The following SLC6A19 variants were observed in gnomAD, a reference collection of about 807,000 sequenced individuals.
The protein encoded by SLC6A19 is solute carrier family 6 member 19.
In SLC6A19, 67 loss-of-function variants were observed where a neutral mutation model predicts 68.3. The observed-to-expected ratio is 0.98, with a 90% CI of 0.81 to 1.20. The LOEUF is 1.20. Among genes scored for constraint, SLC6A19 ranks in the 50% most tolerant of loss-of-function variants. SLC6A19 has a pLI of 0.00. For missense variants in SLC6A19, 813 were observed against 851.6 expected, an observed-to-expected ratio of 0.95 and a Z score of 0.56; for synonymous variants, 392 against 374.9, an observed-to-expected ratio of 1.05 and a Z score of -0.53.
At position 1,212,875 on chromosome 5, in the gene SLC6A19, G is replaced by A. The variant is rs908267321; in HGVS notation, c.663+391G>A. The stretch of plus-strand genomic sequence containing the variant: ...TCCCCTACATGGGAATCTTTGGTAC[G>A]AGGTCCAGAGCGGCCATCCCTTTCT... On this transcript the variant is annotated intron_variant, in intron 4 of 11. Transcript: ENST00000304460. The surrounding 1 kb of genome is among the most constrained non-coding windows in gnomAD (Gnocchi z 5.1). Among the ~76,000 whole-genome samples, 1 of 152,072 alleles carries A rather than the reference G, an allele frequency of 6.6e-6. No individual in the cohort carries two copies. Among genetic ancestry groups the A allele is most frequent in the African/African-American group, 2.4e-5 (1 of 41,362 alleles).
At position 1,209,213 on chromosome 5, in the gene SLC6A19, AG is replaced by A. The variant is rs1412603499; in HGVS notation, c.343+332del. On this transcript the variant is annotated intron_variant, in intron 2 of 11. Transcript: ENST00000304460. This position sits in a 1 kb window ranked among gnomAD's most constrained non-coding sequence, Gnocchi z 5.5. ...GCTCAGCGAGAGCCCAGGGCCCAGG[AG>A]GGGGCACCAGCCTCCTGTGTCCACT... 1.5e-4 allele frequency among the ~76,000 whole-genome samples: 23 copies of A among 152,054 alleles called. No homozygotes were observed. The highest frequency in any genetic ancestry group is 5.6e-4 in the African/African-American group (23 of 41,408).
In SLC6A19 at chr5:1,215,293, C is replaced by G. The variant is rs1300346411; in HGVS notation, c.887+1228C>G. Among the ~76,000 whole-genome samples the G allele has an allele frequency of 6.6e-6, 1 of 152,156 alleles. No individual in the cohort carries two copies. Among genetic ancestry groups the G allele is most frequent in the Non-Finnish European group, 1.5e-5 (1 of 68,016 alleles). On this transcript the variant is annotated intron_variant, in intron 6 of 11. Transcript: ENST00000304460. The surrounding 1 kb of genome is among the most constrained non-coding windows in gnomAD (Gnocchi z 5.1). ...CACACAACTCCCCCATTTGGAATGCCCAGTTCAATGGTCTTAAGTACATTC... is the reference window on the plus strand; with the variant it reads ...CACACAACTCCCCCATTTGGAATGCGCAGTTCAATGGTCTTAAGTACATTC...
At chr5:1,220,273 G>T (rs1746339055) in intron 10 of SLC6A19, among the ~76,000 whole-genome samples, 1 of 152,058 alleles carries the variant, frequency 6.6e-6, no homozygotes, top group African/African-American at 2.4e-5. Context: ...AGCCAGGCAT[G>T]GTGGTGCATG....
chr5:1,213,608 G>A lies in SLC6A19; in HGVS notation c.774+35G>A, dbSNP rs528676104. 7.6e-5 allele frequency: 120 copies of A among 1,581,116 alleles called. No homozygotes were observed. In the South Asian group the frequency reaches 8.2e-4, roughly 11 times the overall value. On this transcript the variant is annotated intron_variant, in intron 5 of 11. Transcript: ENST00000304460. ...CGAGGCTGCCCTGGGCCCAGACCCC[G>A]GGAGAGGCCTGGCTGCCCTGTGCCC...
intron 5 of SLC6A19, 152 bp downstream of exon 5, chr5:1,213,725 G>C: frequency 9.5e-7 from 1 of 1,053,436 alleles, no homozygotes; most frequent in South Asian, 1.4e-5. Context: ...GGGCCAGCGA[G>C]GGCAAGGCCT....
In SLC6A19 at chr5:1,201,625, G is replaced by A; in HGVS notation, c.-26G>A. 1 of 1,595,982 alleles carries A rather than the reference G, an allele frequency of 6.3e-7. No individual in the cohort carries two copies. The highest frequency in any genetic ancestry group is 8.5e-7 in the Non-Finnish European group (1 of 1,176,632). ...CCCTCCAGCTTCTGCCCTGCCTGCT[G>A]TGTGCGGAGCCGTCCAGCGACCACC... is the stretch of plus-strand genomic sequence containing the variant. On this transcript the variant is annotated 5_prime_UTR_variant, in exon 1 of 12. The change creates a new upstream start codon in the 5' untranslated region. Transcript: ENST00000304460.
chr5:1,206,151 A>G (rs1432853975), intron 1 of SLC6A19, among the ~76,000 whole-genome samples: 1 of 152,146 alleles, frequency 6.6e-6, no homozygotes, highest in African/African-American at 2.4e-5. Flanking sequence ...TCCGTGTTAA[A>G]CTGGGAGAGG....
chr5:1,208,907 C>G (rs748425336), intron 2 of SLC6A19, 21 bp downstream of exon 2: 1 of 1,599,814 alleles, frequency 6.3e-7, no homozygotes, highest in South Asian at 1.1e-5. Context: ...CGGAGCAGTT[C>G]CACCCGGGCC....
In SLC6A19 at chr5:1,201,784, G is replaced by T; in HGVS notation, c.134G>T (p.Cys45Phe). ...WDNKAQYMLTCLGFCVGLGNV... is the reference protein window; with the variant it reads ...WDNKAQYMLTFLGFCVGLGNV... ...AACAAGGCGCAGTACATGCTCACCT[G>T]CCTGGGCTTCTGCGTGGGCCTCGGC... The change falls in exon 1 of 12, where the codon TGC (cysteine) becomes TTC (phenylalanine). Residue 45 changes from cysteine (C) to phenylalanine (F), a missense_variant. By Grantham distance (205) the Cys-to-Phe change is radical. Transcript: ENST00000304460. 1 of 1,612,774 alleles carries T rather than the reference G, an allele frequency of 6.2e-7. No homozygotes were observed. The highest frequency in any genetic ancestry group is 8.5e-7 in the Non-Finnish European group (1 of 1,179,908).
In SLC6A19 at chr5:1,212,319, C is replaced by T. The variant is rs372554453; in HGVS notation, c.498C>T (p.Cys166=). 42 of 1,613,362 alleles carry T rather than the reference C, an allele frequency of 2.6e-5. No individual in the cohort carries two copies. Among genetic ancestry groups the T allele is most frequent in the African/African-American group, 5.3e-5 (4 of 74,872 alleles). Residue 166 remains cysteine (C), a synonymous_variant, in exon 4 of 12, where the codon TGC becomes TGT. Transcript: ENST00000304460. This position sits in a 1 kb window ranked among gnomAD's most constrained non-coding sequence, Gnocchi z 5.1. The stretch of plus-strand genomic sequence containing the variant: ...TCTCCCCAGGGTATGTGGACGAGTG[C>T]GCCAGGAGCTCCCCTGTGGACTACT... ...NENQTGYVDE[C]ARSSPVDYFW...
chr5:1,210,781 G>C (rs963647144), intron 3 of SLC6A19, among the ~76,000 whole-genome samples, 200 bp downstream of exon 3: 1 of 152,226 alleles, frequency 6.6e-6, no homozygotes, highest in Non-Finnish European at 1.5e-5. Flanking sequence ...TGGAGGATGA[G>C]ACCCTTGGGA....
intron 1 of SLC6A19, among the ~76,000 whole-genome samples, chr5:1,203,417 G>A (rs772021352): frequency 1.2e-4 from 18 of 152,246 alleles, no homozygotes; most frequent in Middle Eastern, 3.4e-3. Flanking sequence ...TGCGGGCAGC[G>A]GGCAGCGGGC....
At chr5:1,216,235 T>C (rs1470921204) in intron 6 of SLC6A19, among the ~76,000 whole-genome samples, 2 of 152,140 alleles carry the variant, frequency 1.3e-5, no homozygotes, top group Non-Finnish European at 2.9e-5. Flanking sequence ...TGACGGAGGT[T>C]ACCGCAGGCA....
Position 1,222,134 on chromosome 5 carries a change from T to TGTGTGG in SLC6A19, c.*236_*241dup. The TGTGTGG allele has an allele frequency of 5.0e-6, 3 of 605,278 alleles. No individual in the cohort carries two copies. The South Asian group carries it at 5.8e-5, about 12-fold the overall frequency. The allele number at this position is 605,278 out of a possible 1,614,324, so 37.5% of individuals were successfully genotyped here. Reference sequence around the variant, plus strand: ...GCACGTGTATGCACACATATACATGTGTGTGGGTGTGTGTATTGTATGTGC... The same window carrying TGTGTGG: ...GCACGTGTATGCACACATATACATGTGTGTGGGTGTGGGTGTGTGTATTGTATGTGC... On this transcript the variant is annotated 3_prime_UTR_variant, in exon 12 of 12. Transcript: ENST00000304460.
chr5:1,210,688 A>T, intron 3 of SLC6A19, 107 bp downstream of exon 3: 1 of 1,515,746 alleles, frequency 6.6e-7, no homozygotes, highest in Non-Finnish European at 9.0e-7. Flanking sequence ...CAGAAACCAG[A>T]GCCCCAAGGC....
In SLC6A19 at chr5:1,219,530, C is replaced by T. The variant is rs1746307503; in HGVS notation, c.1404C>T (p.Leu468=). ...LTGLICLGTF[L]IGFIFTLNSG... ...GCCTCATCTGCCTGGGGACATTCCT[C>T]ATTGGCTTCATCTTCACGCTGAACT... Residue 468 remains leucine, a synonymous_variant, in exon 10 of 12, where the codon CTC becomes CTT. Transcript: ENST00000304460. The T allele has an allele frequency of 6.2e-7, 1 of 1,612,302 alleles. No homozygotes were observed. The highest frequency in any genetic ancestry group is 8.5e-7 in the Non-Finnish European group (1 of 1,180,028).
intron 6 of SLC6A19, 26 bp from the exon 7 acceptor site, chr5:1,216,532 C>T (rs371508321): frequency 1.4e-5 from 23 of 1,613,742 alleles, no homozygotes; most frequent in African/African-American, 1.1e-4. Flanking sequence ...CATCGCCAGC[C>T]GCCATGACAC....
chr5:1,212,912 G>A lies in SLC6A19; in HGVS notation c.663+428G>A, dbSNP rs1283753025. On this transcript the variant is annotated intron_variant, in intron 4 of 11. Transcript: ENST00000304460. The surrounding 1 kb of genome is among the most constrained non-coding windows in gnomAD (Gnocchi z 5.1). Reference sequence around the variant, plus strand: ...GGCCATCCCTTTCTTCTGGTGGGCCGGCAGCCTGTGAGGCCCTGTCCCCGT... The same window carrying A: ...GGCCATCCCTTTCTTCTGGTGGGCCAGCAGCCTGTGAGGCCCTGTCCCCGT... Among the ~76,000 whole-genome samples the A allele has an allele frequency of 2.6e-5, 4 of 151,888 alleles. No homozygotes were observed. Among genetic ancestry groups the A allele is most frequent in the African/African-American group, 7.3e-5 (3 of 41,310 alleles).
intron 1 of SLC6A19, among the ~76,000 whole-genome samples, chr5:1,205,542 G>A (rs555392936): frequency 3.9e-5 from 6 of 152,350 alleles, no homozygotes; most frequent in African/African-American, 1.4e-4. Flanking sequence ...AGAGCCACCA[G>A]GAGCAAGGGC....
Sources: gnomAD v4.1 joint callset for allele counts (sites outside exome capture counted in the v4.1 genomes callset) on GRCh38, gnomAD v4.1.1 for gene constraint, Gnocchi (gnomAD v3.1) non-coding constraint, MANE v1.5 for transcripts, NCBI Gene and HGNC (gene_info 2026-07-23, HGNC 2026-07-21) for gene names.